Variants in INPP4B observed in about 807,000 individuals in gnomAD.
INPP4B encodes inositol polyphosphate 4-phosphatase type II.
Under a neutral mutation model 122.5 loss-of-function variants are expected in INPP4B, and 55 were observed. The ratio of observed to expected loss-of-function variants is 0.45; its 90% CI spans 0.36 to 0.56. The LOEUF is 0.56. Among genes scored for constraint, INPP4B ranks in the 20% least tolerant of loss-of-function variants. The pLI, the probability that INPP4B is intolerant of heterozygous loss-of-function variation, is 0.00. For missense variants in INPP4B, 1,000 were observed against 1,097.7 expected (o/e 0.91, Z 1.26); for synonymous variants, 403 against 388.7 (o/e 1.04, Z -0.43).
intron 2 of INPP4B, among the ~76,000 whole-genome samples, chr4:142,673,368 T>G (rs746568157): frequency 6.6e-6 from 1 of 151,750 alleles, no homozygotes; most frequent in Non-Finnish European, 1.5e-5. Context: ...TATTAGCCTA[T>G]GAGTGTTGCT....
intron 9 of INPP4B, among the ~76,000 whole-genome samples, chr4:142,297,296 A>G (rs1304816270): frequency 1.3e-5 from 2 of 152,190 alleles, no homozygotes; most frequent in Non-Finnish European, 2.9e-5. Flanking sequence ...CCTTCCTTGG[A>G]TAATAGAAAT....
intron 23 of INPP4B, 58 bp from the exon 24 acceptor site, chr4:142,086,314 C>T: frequency 2.2e-6 from 2 of 894,686 alleles, no homozygotes; most frequent in Admixed American, 2.1e-5. Context: ...CATTAAGCTG[C>T]CCATGGAGGT....
chr4:142,196,903 T>A (rs1383721841), intron 14 of INPP4B, among the ~76,000 whole-genome samples: 1 of 151,746 alleles, frequency 6.6e-6, no homozygotes, highest in Non-Finnish European at 1.5e-5. Flanking sequence ...GGAGGGCAGA[T>A]CACTTGAGGC....
chr4:142,083,228 C>T (rs931016490), intron 24 of INPP4B, among the ~76,000 whole-genome samples: 22 of 152,060 alleles, frequency 1.4e-4, no homozygotes, highest in African/African-American at 4.6e-4. Flanking sequence ...GGTTAAGTAA[C>T]TTGCACATAA....
intron 2 of INPP4B, among the ~76,000 whole-genome samples, chr4:142,694,482 A>G (rs1176311372): frequency 2.0e-5 from 3 of 152,124 alleles, no homozygotes; most frequent in Non-Finnish European, 4.4e-5. Flanking sequence ...TTTTAAAATT[A>G]TTGATAAAGT....
chr4:142,680,154 C>T (rs1045906111), intron 2 of INPP4B, among the ~76,000 whole-genome samples: 3 of 151,766 alleles, frequency 2.0e-5, no homozygotes, highest in African/African-American at 7.2e-5. Context: ...AACTAGACTT[C>T]ATTATTTTTA....
intron 12 of INPP4B, among the ~76,000 whole-genome samples, chr4:142,211,106 A>G (rs901829733): frequency 1.3e-5 from 2 of 152,184 alleles, no homozygotes; most frequent in Non-Finnish European, 2.9e-5. Flanking sequence ...AGGACAAACA[A>G]CTATCATACT....
At chr4:142,737,117 A>C (rs1298072125) in intron 1 of INPP4B, among the ~76,000 whole-genome samples, 3 of 152,198 alleles carry the variant, frequency 2.0e-5, no homozygotes, top group African/African-American at 7.2e-5. Flanking sequence ...ACTACTTTAA[A>C]GTTCATATGG....
At chr4:142,253,291 T>C (rs1057269497) in intron 11 of INPP4B, among the ~76,000 whole-genome samples, 3 of 152,192 alleles carry the variant, frequency 2.0e-5, no homozygotes, top group Non-Finnish European at 4.4e-5. Context: ...AAACAGTGTA[T>C]GCATAGGCTA....
intron 2 of INPP4B, among the ~76,000 whole-genome samples, chr4:142,646,745 C>A (rs1751871028): frequency 6.6e-6 from 1 of 152,178 alleles, no homozygotes. Flanking sequence ...AATTGCAGGA[C>A]CACTGGACTT....
intron 11 of INPP4B, among the ~76,000 whole-genome samples, chr4:142,256,216 G>A (rs1454273516): frequency 6.6e-6 from 1 of 150,878 alleles, no homozygotes; most frequent in Non-Finnish European, 1.5e-5. Flanking sequence ...TGTGTAGAGG[G>A]AAATTTATAG....
intron 25 of INPP4B, among the ~76,000 whole-genome samples, chr4:142,045,410 A>G (rs1750806575): frequency 6.6e-6 from 1 of 152,116 alleles, no homozygotes; most frequent in African/African-American, 2.4e-5. Flanking sequence ...TATCCAACAT[A>G]CTATTTCTGA....
chr4:142,081,415 A>G (rs1365736564), intron 25 of INPP4B, among the ~76,000 whole-genome samples: 2 of 152,204 alleles, frequency 1.3e-5, no homozygotes, highest in Non-Finnish European at 2.9e-5. Context: ...GAAATGAATC[A>G]AGAAACATGA....
chr4:142,807,980 C>T (rs1182697044), intron 1 of INPP4B, among the ~76,000 whole-genome samples: 1 of 152,128 alleles, frequency 6.6e-6, no homozygotes, highest in African/African-American at 2.4e-5. Flanking sequence ...TTTCCAACTT[C>T]GTTATAAATA....
chr4:142,497,139 C>T (rs1236719563), intron 2 of INPP4B, among the ~76,000 whole-genome samples: 3 of 151,968 alleles, frequency 2.0e-5, no homozygotes, highest in South Asian at 2.1e-4. Flanking sequence ...TGTTTGTGGC[C>T]ACCCTGTTTC....
chr4:142,293,378 A>C (rs1757265798), intron 9 of INPP4B, among the ~76,000 whole-genome samples: 1 of 152,128 alleles, frequency 6.6e-6, no homozygotes, highest in Non-Finnish European at 1.5e-5. Flanking sequence ...CCACAAAACT[A>C]TAGGCTGGAT....
chr4:142,342,222 T>G (rs1190839111), intron 7 of INPP4B, among the ~76,000 whole-genome samples: 1 of 152,114 alleles, frequency 6.6e-6, no homozygotes, highest in African/African-American at 2.4e-5. Context: ...TTGGTAGTAA[T>G]TGTATTACAG....
At chr4:142,073,737 T>C (rs1355124416) in intron 25 of INPP4B, among the ~76,000 whole-genome samples, 2 of 152,074 alleles carry the variant, frequency 1.3e-5, no homozygotes, top group African/African-American at 4.8e-5. Context: ...AAATGAAAAT[T>C]ATTTCCTTGA....
chr4:142,372,540 G>A (rs755788866), intron 7 of INPP4B, among the ~76,000 whole-genome samples: 16 of 151,896 alleles, frequency 1.1e-4, no homozygotes, highest in Non-Finnish European at 2.2e-4. Context: ...TATGCATAGA[G>A]GAAGGTAAAA....
Sources: allele counts gnomAD v4.1 joint callset (sites outside exome capture counted in the v4.1 genomes callset), GRCh38; gene constraint gnomAD v4.1.1; transcripts MANE v1.5; gene names NCBI Gene and HGNC (gene_info 2026-07-23, HGNC 2026-07-21).